Variants in MYH11 observed in about 807,000 individuals in gnomAD.
MYH11 encodes the protein myosin heavy chain 11, also known as myosin-11.
MYH11 carries 80 observed loss-of-function variants against 246.6 expected under a neutral mutation model. The ratio of observed to expected loss-of-function variants is 0.32; its 90% CI spans 0.27 to 0.39. The LOEUF (loss-of-function observed/expected upper bound fraction) is 0.39. Among genes scored for constraint, MYH11 ranks in the 10% least tolerant of loss-of-function variants. The pLI is 1.00. For synonymous variants in MYH11, 1,071 were observed against 1,015.5 expected, an observed-to-expected ratio of 1.05 and a Z score of -1.04; for missense variants, 2,158 against 2,546.8, an observed-to-expected ratio of 0.85 and a Z score of 3.29.
intron 2 of MYH11, among the ~76,000 whole-genome samples, chr16:15,829,765 G>T (rs1049708625): frequency 6.6e-6 from 1 of 152,156 alleles, no homozygotes; most frequent in African/African-American, 2.4e-5. Context: ...CTGAGCAGGG[G>T]GTGCTCCCGG....
chr16:15,815,285 A>G (rs1040948091), intron 3 of MYH11, among the ~76,000 whole-genome samples: 2 of 152,246 alleles, frequency 1.3e-5, no homozygotes, highest in African/African-American at 4.8e-5. Context: ...GAAAATATGT[A>G]TCTTGGAGGA....
At chr16:15,833,962 G>A (rs932822741) in intron 2 of MYH11, among the ~76,000 whole-genome samples, 1 of 152,182 alleles carries the variant, frequency 6.6e-6, no homozygotes, top group Non-Finnish European at 1.5e-5. Context: ...AGGCTGAAAG[G>A]ATTTTAATCT....
chr16:15,827,619 C>T (rs1364998695), intron 2 of MYH11, among the ~76,000 whole-genome samples: 1 of 152,208 alleles, frequency 6.6e-6, no homozygotes, highest in East Asian at 1.9e-4. Context: ...CTGCAAGTGC[C>T]TTGAGTCCGG....
chr16:15,852,632 C>T (rs2044359723), intron 1 of MYH11, among the ~76,000 whole-genome samples: 1 of 152,238 alleles, frequency 6.6e-6, no homozygotes, highest in South Asian at 2.1e-4. Context: ...AGCCACTGCA[C>T]CTGGTCTGCA....
chr16:15,733,847 C>T (rs1327022571), intron 26 of MYH11, among the ~76,000 whole-genome samples: 4 of 152,182 alleles, frequency 2.6e-5, no homozygotes, highest in Non-Finnish European at 4.4e-5. Context: ...CTGGCCCATG[C>T]ACTGGGCTCT....
intron 9 of MYH11, among the ~76,000 whole-genome samples, chr16:15,767,323 G>C (rs1453677065): frequency 6.6e-6 from 1 of 152,168 alleles, no homozygotes; most frequent in Non-Finnish European, 1.5e-5. Flanking sequence ...GGTAACAGTA[G>C]TACCTGCTTC....
chr16:15,724,922 A>G lies in MYH11; in HGVS notation c.3929T>C (p.Val1310Ala). 1 of 1,614,150 alleles carries G rather than the reference A, an allele frequency of 6.2e-7. No homozygotes were observed. The highest frequency in any genetic ancestry group is 2.2e-5 in the East Asian group (1 of 44,874). Residue 1310 changes from valine (V) to alanine (A), a missense_variant, in exon 29 of 41, where the codon GTG becomes GCG. Transcript: ENST00000300036. Reference sequence around the variant, plus strand: ...CTGGAGCTGGGAACTGAGGGACGCCACGTCCTTGGCCAGCTTAATGGCCTT... The same window carrying G: ...CTGGAGCTGGGAACTGAGGGACGCCGCGTCCTTGGCCAGCTTAATGGCCTT... The part of the protein sequence containing the change: ...EGKAIKLAKD[V>A]ASLSSQLQDT...
chr16:15,724,482 TGA>T, intron 30 of MYH11, 73 bp from the exon 31 acceptor site: 1 of 1,609,342 alleles, frequency 6.2e-7, no homozygotes, highest in Non-Finnish European at 8.5e-7. Flanking sequence ...CCACAGACTC[TGA>T]GAAGCGAAGA....
intron 4 of MYH11, among the ~76,000 whole-genome samples, chr16:15,787,481 CT>C (rs370002467): frequency 0.098 from 11,360 of 115,646 alleles, 564 homozygotes; most frequent in African/African-American, 0.22. Flanking sequence ...GAATTATCTA[CT>C]TTTTTTTTTT....
chr16:15,724,338 C>T lies in MYH11; in HGVS notation c.4188G>A (p.Arg1396=), dbSNP rs1251878449. 1.2e-6 allele frequency: 2 copies of T among 1,614,172 alleles called. No homozygotes were observed. Among genetic ancestry groups the T allele is most frequent in the Non-Finnish European group, 1.7e-6 (2 of 1,180,030 alleles). The change falls in exon 31 of 41, where the codon AGG becomes AGA. Residue 1396 remains arginine, a synonymous_variant. Coordinates refer to ENST00000300036, the MANE Select transcript of MYH11 (RefSeq NM_002474.3). ...TVEALEEGKK[R]FQKEIENLTQ... The stretch of plus-strand genomic sequence containing the variant: ...TGAGGTTCTCGATCTCCTTCTGGAA[C>T]CTCTTCTTCCCCTCTTCCAGAGCTT...
chr16:15,799,918 G>A (rs2042839767), intron 3 of MYH11, among the ~76,000 whole-genome samples: 1 of 152,150 alleles, frequency 6.6e-6, no homozygotes, highest in South Asian at 2.1e-4. Context: ...ATGGATTGAG[G>A]GATGGATGAG....
Position 15,716,993 on chromosome 16 carries a change from TCTCA to T in MYH11, c.5504+143_5504+146del, listed in dbSNP as rs2040186629. ...GCACTTTGCTGTGTTTACGTTCAGT[TCTCA>T]CAACATACCTGCACTGTAGGCATCA... is the stretch of plus-strand genomic sequence containing the variant. On this transcript the variant is annotated intron_variant, in intron 38 of 40. Coordinates refer to ENST00000300036, the MANE Select transcript of MYH11 (RefSeq NM_002474.3). 7.5e-6 allele frequency: 7 copies of T among 932,654 alleles called. No homozygotes were observed. The Admixed American group carries it at 1.2e-4, about 16-fold the overall frequency. 57.8% of individuals were successfully genotyped at this position (932,654 alleles called of 1,614,324 possible).
chr16:15,804,749 G>T (rs1488672705), intron 3 of MYH11, among the ~76,000 whole-genome samples: 1 of 152,130 alleles, frequency 6.6e-6, no homozygotes, highest in Non-Finnish European at 1.5e-5. Flanking sequence ...TTGCATAAAT[G>T]GAATTATAAC....
Position 15,788,798 on chromosome 16 carries a change from A to ATGTGTGTG in MYH11, c.531-2074_531-2067dup, listed in dbSNP as rs58077308. Among the ~76,000 whole-genome samples the ATGTGTGTG allele has an allele frequency of 1.7e-3, 177 of 104,886 alleles. 1 individual carries two copies. Among genetic ancestry groups the ATGTGTGTG allele is most frequent in the East Asian group, 2.8e-3 (12 of 4,352 alleles). The allele number at this position is 104,886 out of a possible 152,430, so 68.8% of individuals were successfully genotyped here. On this transcript the variant is annotated intron_variant, in intron 4 of 40. Coordinates refer to ENST00000300036, the MANE Select transcript of MYH11 (RefSeq NM_002474.3). ...GAAGGGGAAACTAAGACCAGAATAT[A>ATGTGTGTG]TGTGTGTGTGTGTGTGTGTGTGTGT... is the stretch of plus-strand genomic sequence containing the variant.
intron 40 of MYH11, among the ~76,000 whole-genome samples, chr16:15,711,804 T>G (rs2039813567): frequency 6.6e-6 from 1 of 152,168 alleles, no homozygotes; most frequent in Non-Finnish European, 1.5e-5. Flanking sequence ...GCGATTCTCC[T>G]GCCTCAGCCT....
chr16:15,819,865 C>A (rs12923560), intron 3 of MYH11, among the ~76,000 whole-genome samples: 1 of 152,086 alleles, frequency 6.6e-6, no homozygotes, highest in Non-Finnish European at 1.5e-5. Context: ...CAAAAGTATT[C>A]TTCAATGACT....
Position 15,724,918 on chromosome 16 carries a change from C to T in MYH11, c.3933G>A (p.Ala1311=), listed in dbSNP as rs78857360. 38 of 1,614,132 alleles carry T rather than the reference C, an allele frequency of 2.4e-5. No homozygotes were observed. The highest frequency in any genetic ancestry group is 1.2e-4 in the Admixed American group (7 of 60,020). The change falls in exon 29 of 41, where the codon GCG becomes GCA. Residue 1311 remains alanine (A), a synonymous_variant. Transcript: ENST00000300036. The stretch of plus-strand genomic sequence containing the variant: ...TGTCCTGGAGCTGGGAACTGAGGGA[C>T]GCCACGTCCTTGGCCAGCTTAATGG... The part of the protein sequence containing the change: ...GKAIKLAKDV[A]SLSSQLQDTQ...
In MYH11 at chr16:15,724,752, C is replaced by G. The variant is rs778284314; in HGVS notation, c.4011G>C (p.Lys1337Asn). The G allele has an allele frequency of 1.5e-5, 24 of 1,614,180 alleles. No individual in the cohort carries two copies. Among genetic ancestry groups the G allele is most frequent in the Non-Finnish European group, 2.0e-5 (24 of 1,180,034 alleles). The change falls in exon 30 of 41, where the codon AAG (lysine) becomes AAC (asparagine). Residue 1337 changes from lysine (K) to asparagine (N), a missense_variant. By Grantham distance (94) the Lys-to-Asn change is moderately conservative. Around this residue, in one of 11 missense-constraint regions of MYH11, gnomAD observed 1,013 missense variants for 993.5 expected, o/e 1.02. Coordinates refer to ENST00000300036, the MANE Select transcript of MYH11 (RefSeq NM_002474.3). Reference sequence around the variant, plus strand: ...TCCGCTCCTCCTCCAGCTGGCGCAGCTTCGTAGACACGTTGAGCTTCTGCC... The same window carrying G: ...TCCGCTCCTCCTCCAGCTGGCGCAGGTTCGTAGACACGTTGAGCTTCTGCC... The part of the protein sequence containing the change: ...ETRQKLNVST[K>N]LRQLEEERNS...
intron 1 of MYH11, among the ~76,000 whole-genome samples, chr16:15,839,729 CA>C (rs141097621): frequency 0.039 from 5,916 of 150,468 alleles, 398 homozygotes; most frequent in African/African-American, 0.13. Context: ...ATAGAAAAGG[CA>C]TATCTATGGT....
Sources: gnomAD v4.1 joint callset for allele counts (sites outside exome capture counted in the v4.1 genomes callset) on GRCh38, gnomAD v4.1.1 for gene constraint, gnomAD v4.1.1 regional missense constraint, MANE v1.5 for transcripts, NCBI Gene and HGNC (gene_info 2026-07-23, HGNC 2026-07-21) for gene names.